PPP1R12B: variants seen among roughly 807,000 people sequenced by gnomAD.
PPP1R12B encodes the protein myosin phosphatase target subunit 2.
PPP1R12B carries 76 observed loss-of-function variants against 126.1 expected under a neutral mutation model. That is an observed-to-expected ratio of 0.60 (90% confidence interval 0.50 to 0.73). PPP1R12B has a LOEUF of 0.73. Among genes scored for constraint, PPP1R12B ranks in the 30% least tolerant of loss-of-function variants. The pLI, the probability that PPP1R12B is intolerant of heterozygous loss-of-function variation, is 0.00. For synonymous variants in PPP1R12B, 356 were observed against 434.7 expected, an observed-to-expected ratio of 0.82 and a Z score of 2.25; for missense variants, 1,052 against 1,205.1, an observed-to-expected ratio of 0.87 and a Z score of 1.88.
At position 202,531,060 on chromosome 1, in the gene PPP1R12B, C is replaced by A. The variant is rs116800875; in HGVS notation, c.2491-27817C>A. Among the ~76,000 whole-genome samples, 881 of 152,240 alleles carry A rather than the reference C, an allele frequency of 5.8e-3. 13 individuals are homozygous for A. The highest frequency in any genetic ancestry group is 0.02 in the African/African-American group (847 of 41,514). On this transcript the variant is annotated intron_variant, in intron 18 of 23. Coordinates refer to ENST00000608999, the MANE Select transcript of PPP1R12B (RefSeq NM_002481.4). ...TATCATTATTGATCTTCTCCATCAC[C>A]CCCAAAAGGGGAGGATTTTCACATC...
chr1:202,380,556 C>T (rs560440335), intron 1 of PPP1R12B, among the ~76,000 whole-genome samples: 2 of 152,136 alleles, frequency 1.3e-5, no homozygotes, highest in Non-Finnish European at 2.9e-5. Context: ...GTATACCCAC[C>T]TCTTCCCCTG....
intron 12 of PPP1R12B, among the ~76,000 whole-genome samples, chr1:202,448,115 GA>G (rs1020384135): frequency 6.6e-6 from 1 of 151,758 alleles, no homozygotes; most frequent in South Asian, 2.1e-4. Context: ...GTGAGTAGGT[GA>G]AAAAAATAGA....
chr1:202,586,529 G>A lies in PPP1R12B; in HGVS notation c.*5969G>A, dbSNP rs778919245. 1.3e-5 allele frequency: 2 copies of A among 152,168 alleles called. No individual in the cohort carries two copies. The highest frequency in any genetic ancestry group is 2.9e-5 in the Non-Finnish European group (2 of 68,040). 9.4% of individuals were successfully genotyped at this position (152,168 alleles called of 1,614,324 possible). ...CTCAGGAAGCAGTAGACCCTGTCAG[G>A]GACAGCTATTGATCTTTTGTGTTCT... On this transcript the variant is annotated 3_prime_UTR_variant, in exon 24 of 24. Coordinates refer to ENST00000608999, the MANE Select transcript of PPP1R12B (RefSeq NM_002481.4).
At chr1:202,578,043 TGA>T (rs1689248482) in intron 23 of PPP1R12B, among the ~76,000 whole-genome samples, 1 of 152,232 alleles carries the variant, frequency 6.6e-6, no homozygotes, top group African/African-American at 2.4e-5. Flanking sequence ...CTCTCTCTGC[TGA>T]GATTGAACTT....
At chr1:202,356,373 AAC>A (rs1657102083) in intron 1 of PPP1R12B, among the ~76,000 whole-genome samples, 1 of 152,106 alleles carries the variant, frequency 6.6e-6, no homozygotes, top group East Asian at 1.9e-4. Flanking sequence ...AAGAGCAGAA[AAC>A]ACAAGCAGCT....
At chr1:202,490,179 C>T (rs1426566210) in intron 14 of PPP1R12B, among the ~76,000 whole-genome samples, 3 of 151,958 alleles carry the variant, frequency 2.0e-5, no homozygotes, top group Non-Finnish European at 2.9e-5. Flanking sequence ...GCAGCAGGAG[C>T]GGTGAAAAGA....
chr1:202,503,545 A>AGAGTTGTG (rs1680454410), intron 18 of PPP1R12B, among the ~76,000 whole-genome samples: 1 of 152,224 alleles, frequency 6.6e-6, no homozygotes, highest in Non-Finnish European at 1.5e-5. Flanking sequence ...ATTGGATTTT[A>AGAGTTGTG]AAACCATGAG....
intron 13 of PPP1R12B, among the ~76,000 whole-genome samples, chr1:202,487,634 GT>G (rs1678335633): frequency 1.3e-5 from 2 of 149,216 alleles, no homozygotes; most frequent in Admixed American, 1.3e-4. Context: ...TGGAGACCTA[GT>G]TTCACTCTTG....
chr1:202,527,659 A>T (rs1558335061), intron 18 of PPP1R12B, among the ~76,000 whole-genome samples: 1 of 152,198 alleles, frequency 6.6e-6, no homozygotes, highest in Non-Finnish European at 1.5e-5. Context: ...CGTAACCTTT[A>T]AAGAAATTTA....
At chr1:202,452,878 G>A (rs530554497) in intron 13 of PPP1R12B, among the ~76,000 whole-genome samples, 6 of 150,324 alleles carry the variant, frequency 4.0e-5, no homozygotes, top group Non-Finnish European at 7.4e-5. Context: ...TGTTGTCCAA[G>A]CTGGTCTCAA....
intron 12 of PPP1R12B, among the ~76,000 whole-genome samples, chr1:202,446,256 A>ATATATATATTTTT (rs376183502): frequency 1.8e-4 from 10 of 54,338 alleles, no homozygotes; most frequent in East Asian, 1.6e-3. Context: ...ATATATATAT[A>ATATATATATTTTT]TTTTTTTTTT....
intron 18 of PPP1R12B, among the ~76,000 whole-genome samples, chr1:202,523,981 G>A (rs1683060592): frequency 6.6e-6 from 1 of 152,114 alleles, no homozygotes; most frequent in Non-Finnish European, 1.5e-5. Flanking sequence ...CCAAAGTGCT[G>A]GGATTACAGA....
chr1:202,364,471 G>C (rs1658772722), intron 1 of PPP1R12B, among the ~76,000 whole-genome samples: 2 of 152,100 alleles, frequency 1.3e-5, no homozygotes, highest in African/African-American at 4.8e-5. Flanking sequence ...CTGTCACCCA[G>C]GTAAGAGAGC....
At chr1:202,415,584 C>T (rs1192530689) in intron 1 of PPP1R12B, among the ~76,000 whole-genome samples, 3 of 152,148 alleles carry the variant, frequency 2.0e-5, no homozygotes, top group Non-Finnish European at 2.9e-5. Flanking sequence ...GGGCCTTCTA[C>T]CACATTTTTA....
chr1:202,407,068 C>T (rs949102461), intron 1 of PPP1R12B, among the ~76,000 whole-genome samples: 2 of 152,188 alleles, frequency 1.3e-5, no homozygotes, highest in African/African-American at 4.8e-5. Context: ...AGCTCTTCAT[C>T]TTCTTTCTCC....
At chr1:202,459,304 G>A (rs935422246) in intron 13 of PPP1R12B, among the ~76,000 whole-genome samples, 5 of 151,948 alleles carry the variant, frequency 3.3e-5, no homozygotes, top group African/African-American at 1.2e-4. Flanking sequence ...TGTTATTATG[G>A]GGCAGAGGGA....
At chr1:202,458,010 T>A (rs1272034149) in intron 13 of PPP1R12B, among the ~76,000 whole-genome samples, 1 of 152,100 alleles carries the variant, frequency 6.6e-6, no homozygotes, top group Non-Finnish European at 1.5e-5. Context: ...TTAAATAGGA[T>A]CACTCAAAAG....
chr1:202,410,113 T>A (rs1292519157), intron 1 of PPP1R12B: 1 of 152,212 alleles, frequency 6.6e-6, no homozygotes, highest in Non-Finnish European at 1.5e-5. Flanking sequence ...TTATAAAAAA[T>A]ATGGAATGCT....
At chr1:202,487,283 T>C (rs1443392796) in intron 13 of PPP1R12B, among the ~76,000 whole-genome samples, 1 of 152,260 alleles carries the variant, frequency 6.6e-6, no homozygotes. Flanking sequence ...TAGCCTATTT[T>C]CTATAGGAAC....
Sources: gnomAD v4.1 joint callset for allele counts (sites outside exome capture counted in the v4.1 genomes callset) on GRCh38, gnomAD v4.1.1 for gene constraint, MANE v1.5 for transcripts, NCBI Gene and HGNC (gene_info 2026-07-23, HGNC 2026-07-21) for gene names.